HMCN2: variants seen among roughly 807,000 people sequenced by gnomAD.
The protein encoded by HMCN2 is hemicentin-2.
HMCN2 carries 325 observed loss-of-function variants against 377.5 expected under a neutral mutation model. The ratio of observed to expected loss-of-function variants is 0.86; its 90% confidence interval spans 0.79 to 0.94. The LOEUF is 0.94. Among genes scored for constraint, HMCN2 ranks in the 40% least tolerant of loss-of-function variants. The pLI, the probability that HMCN2 is intolerant of heterozygous loss-of-function variation, is 0.00. For synonymous variants in HMCN2, 2,007 were observed against 2,046.8 expected, an observed-to-expected ratio of 0.98 and a Z score of 0.53; for missense variants, 4,543 against 4,725.3, an observed-to-expected ratio of 0.96 and a Z score of 1.13.
Position 130,399,605 on chromosome 9 carries a change from C to T in HMCN2, c.11578C>T (p.His3860Tyr), listed in dbSNP as rs567671707. Residue 3860 changes from histidine to tyrosine, a missense_variant, in exon 76 of 98, where the codon CAC becomes TAC. Around this residue, in one of 5 missense-constraint regions of HMCN2, gnomAD observed 1,073 missense variants for 1,319.5 expected, o/e 0.81. Coordinates refer to ENST00000683500, the MANE Select transcript of HMCN2 (RefSeq NM_001291815.2). The part of the protein sequence containing the change: ...CVVSNEVGEA[H>Y]RLYQVTVHVP... ...GGTGAGCAATGAGGTGGGCGAGGCC[C>T]ACAGGCTCTACCAGGTGACCGTCCA... 9 of 1,289,854 alleles carry T rather than the reference C, an allele frequency of 7.0e-6. No homozygotes were observed. In the African/African-American group the frequency reaches 1.2e-4, roughly 17 times the overall value. The allele number at this position is 1,289,854 out of a possible 1,614,324, so 79.9% of individuals were successfully genotyped here.
intron 85 of HMCN2, among the ~76,000 whole-genome samples, chr9:130,417,546 A>T (rs1007198314): frequency 2.8e-5 from 4 of 144,068 alleles, no homozygotes; most frequent in Non-Finnish European, 6.1e-5. Context: ...AACAAAAAAA[A>T]ACGAGAGAGA....
chr9:130,288,623 G>A (rs1588177227), intron 4 of HMCN2, among the ~76,000 whole-genome samples: 2 of 152,238 alleles, frequency 1.3e-5, no homozygotes, highest in African/African-American at 4.8e-5. Context: ...CCTCTTCAGA[G>A]TGCATCCAGT....
chr9:130,318,964 C>T (rs1047865388), intron 15 of HMCN2, among the ~76,000 whole-genome samples: 169 of 152,332 alleles, frequency 1.1e-3, no homozygotes, highest in African/African-American at 3.9e-3. Context: ...TGAGTCCCGC[C>T]AGGCCCCCCA....
In HMCN2 at chr9:130,396,236, T is replaced by G; in HGVS notation, c.11121T>G (p.Pro3707=). The change falls in exon 73 of 98, where the codon CCT becomes CCG. Residue 3707 remains proline, a synonymous_variant. Transcript: ENST00000683500. ...NVSVNQTALL[P]CQADGVPAPL... is the part of the protein sequence containing the mutation. The stretch of plus-strand genomic sequence containing the variant: ...CAGTGAACCAGACAGCCCTGCTGCC[T>G]TGCCAGGCCGACGGCGTGCCCGCAC... 1.6e-6 allele frequency: 2 copies of G among 1,287,120 alleles called. No homozygotes were observed. Among genetic ancestry groups the G allele is most frequent in the Non-Finnish European group, 2.0e-6 (2 of 986,640 alleles). The allele number at this position is 1,287,120 out of a possible 1,614,324, so 79.7% of individuals were successfully genotyped here. A position where few individuals can be genotyped will look rare whatever the true frequency, so the allele number is the denominator to read the frequency against.
chr9:130,402,024 C>T (rs2131718638), intron 77 of HMCN2, among the ~76,000 whole-genome samples: 1 of 152,240 alleles, frequency 6.6e-6, no homozygotes, highest in Admixed American at 6.5e-5. Flanking sequence ...ATGCAGTGAG[C>T]TATGATTGCA....
intron 15 of HMCN2, among the ~76,000 whole-genome samples, chr9:130,310,516 G>A (rs868917213): frequency 6.6e-6 from 1 of 152,236 alleles, no homozygotes; most frequent in African/African-American, 2.4e-5. Flanking sequence ...AGTCTTGGAA[G>A]TAACAAGCCA....
chr9:130,339,559 G>A (rs1838941004), intron 23 of HMCN2, among the ~76,000 whole-genome samples: 1 of 152,222 alleles, frequency 6.6e-6, no homozygotes, highest in Non-Finnish European at 1.5e-5. Flanking sequence ...CTGTGCTGCT[G>A]ACTGGCTGTG....
intron 85 of HMCN2, among the ~76,000 whole-genome samples, chr9:130,411,427 C>A (rs1343555477): frequency 6.6e-6 from 1 of 151,706 alleles, no homozygotes; most frequent in South Asian, 2.1e-4. Context: ...CATAGTGAAA[C>A]CCTGTCTCTA....
rs1238161370 is a variant in HMCN2 at position 130,430,486 on chromosome 9, G to A, written c.14529G>A (p.Ser4843=). 2.0e-5 allele frequency: 31 copies of A among 1,550,504 alleles called. No individual in the cohort carries two copies. Among genetic ancestry groups the A allele is most frequent in the Non-Finnish European group, 2.1e-5 (24 of 1,146,890 alleles). The change falls in exon 95 of 98, where the codon TCG becomes TCA. Residue 4843 remains serine (S), a synonymous_variant. Coordinates refer to ENST00000683500, the MANE Select transcript of HMCN2 (RefSeq NM_001291815.2). The part of the protein sequence containing the change: ...PLLPWLRPWA[S]IPGTSYHAWV... The stretch of plus-strand genomic sequence containing the variant: ...TGCCCTGGCTGCGGCCCTGGGCCTC[G>A]ATCCCCGGTACCTCCTACCACGCCT...
At chr9:130,357,462 G>A (rs1840104141) in intron 34 of HMCN2, among the ~76,000 whole-genome samples, 1 of 148,516 alleles carries the variant, frequency 6.7e-6, no homozygotes, top group Non-Finnish European at 1.5e-5. Context: ...GGATGGGTGG[G>A]TGGATGGATG....
chr9:130,410,383 C>A (rs1392982949), intron 84 of HMCN2, among the ~76,000 whole-genome samples, 188 bp from the exon 85 acceptor site: 5 of 152,228 alleles, frequency 3.3e-5, no homozygotes, highest in Non-Finnish European at 7.3e-5. Context: ...GGGCTGGATT[C>A]TCTTTGCATG....
intron 1 of HMCN2, among the ~76,000 whole-genome samples, chr9:130,266,710 C>A (rs547621107): frequency 2.6e-5 from 4 of 152,364 alleles, no homozygotes; most frequent in Admixed American, 6.5e-5. Flanking sequence ...AGGGCAGCGC[C>A]TCTCGTGTGC....
In HMCN2 at chr9:130,360,751, ACCATCCATCCAT is replaced by A. The variant is rs199552416; in HGVS notation, c.5950+174_5950+185del. 1.6e-4 allele frequency: 46 copies of A among 282,364 alleles called. No homozygotes were observed. The highest frequency in any genetic ancestry group is 2.9e-4 in the Non-Finnish European group (43 of 146,346). The allele number at this position is 282,364 out of a possible 1,614,324, so 17.5% of individuals were successfully genotyped here. ...ACCCCATCCATCCATCATCCATCCA[ACCATCCATCCAT>A]CCATCCATCCATCCATCCATCCATC... On this transcript the variant is annotated intron_variant, in intron 38 of 97. Transcript: ENST00000683500. The surrounding 1 kb of genome is among the most constrained non-coding windows in gnomAD (Gnocchi z 4.7).
At chr9:130,282,576 C>G (rs1554926108) in intron 1 of HMCN2, among the ~76,000 whole-genome samples, 1 of 152,102 alleles carries the variant, frequency 6.6e-6, no homozygotes, top group East Asian at 1.9e-4. Flanking sequence ...TGGGACGAGA[C>G]GGATAAACAC....
chr9:130,394,994 C>T lies in HMCN2; in HGVS notation c.10693-33C>T. ...GATTGGGAGGCGGGCAGAGAGGGGC[C>T]AGGGGCAGCTGCTCAACCCGCTCCA... On this transcript the variant is annotated intron_variant, in intron 69 of 97. Coordinates refer to ENST00000683500, the MANE Select transcript of HMCN2 (RefSeq NM_001291815.2). This position sits in a 1 kb window ranked among gnomAD's most constrained non-coding sequence, Gnocchi z 5.1. 1 of 1,247,906 alleles carries T rather than the reference C, an allele frequency of 8.0e-7. No homozygotes were observed. The allele number at this position is 1,247,906 out of a possible 1,614,324, so 77.3% of individuals were successfully genotyped here. A position where few individuals can be genotyped will look rare whatever the true frequency, so the allele number is the denominator to read the frequency against.
At position 130,308,711 on chromosome 9, in the gene HMCN2, C is replaced by A. The variant is rs1174461991; in HGVS notation, c.2200+1145C>A. On this transcript the variant is annotated intron_variant, in intron 14 of 97. Transcript: ENST00000683500. This position sits in a 1 kb window ranked among gnomAD's most constrained non-coding sequence, Gnocchi z 4.1. The stretch of plus-strand genomic sequence containing the variant: ...GGCCAAGAACCCCGTCAACCCAGCC[C>A]TAGAGCCCCACTTTAAAAGGTGGCC... Among the ~76,000 whole-genome samples, 1 of 152,202 alleles carries A rather than the reference C, an allele frequency of 6.6e-6. No individual in the cohort carries two copies. Among genetic ancestry groups the A allele is most frequent in the Non-Finnish European group, 1.5e-5 (1 of 68,026 alleles).
At chr9:130,415,030 G>A (rs912617342) in intron 85 of HMCN2, among the ~76,000 whole-genome samples, 1 of 152,126 alleles carries the variant, frequency 6.6e-6, no homozygotes, top group African/African-American at 2.4e-5. Flanking sequence ...TGCCAGCAGA[G>A]CCCCACTTGA....
chr9:130,410,418 C>A, intron 84 of HMCN2, 153 bp from the exon 85 acceptor site: 2 of 613,910 alleles, frequency 3.3e-6, no homozygotes, highest in South Asian at 4.1e-5. Flanking sequence ...GTCACAGAGG[C>A]CCTTCTGATG....
In HMCN2 at chr9:130,393,139, T is replaced by C; in HGVS notation, c.10137-73T>C. 1.1e-6 allele frequency: 1 copy of C among 917,302 alleles called. No homozygotes were observed. Among genetic ancestry groups the C allele is most frequent in the Non-Finnish European group, 1.3e-6 (1 of 765,792 alleles). 56.8% of individuals were successfully genotyped at this position (917,302 alleles called of 1,614,324 possible). A position where few individuals can be genotyped will look rare whatever the true frequency, so the allele number is the denominator to read the frequency against. ...TTCCACGCAGCCAGCCTCTCCTGTC[T>C]CTCTCCCTTTCTCTTCCTCTCTCTC... On this transcript the variant is annotated intron_variant, in intron 66 of 97. Coordinates refer to ENST00000683500, the MANE Select transcript of HMCN2 (RefSeq NM_001291815.2). The surrounding 1 kb of genome is among the most constrained non-coding windows in gnomAD (Gnocchi z 5.2).
Sources: gnomAD v4.1 joint callset for allele counts (sites outside exome capture counted in the v4.1 genomes callset) on GRCh38, gnomAD v4.1.1 for gene constraint, gnomAD v4.1.1 regional missense constraint, Gnocchi (gnomAD v3.1) non-coding constraint, MANE v1.5 for transcripts, NCBI Gene and HGNC (gene_info 2026-07-23, HGNC 2026-07-21) for gene names.